The following PTK7 variants were observed in gnomAD, a reference collection of about 807,000 sequenced individuals.
The protein encoded by PTK7 is inactive tyrosine-protein kinase 7.
In PTK7, 39 loss-of-function variants were observed where a neutral mutation model predicts 116.6. That is an observed-to-expected ratio of 0.33 (90% CI 0.26 to 0.44). The LOEUF is 0.44. Among genes scored for constraint, PTK7 ranks in the 20% least tolerant of loss-of-function variants. The pLI is 1.00. For missense variants in PTK7, 1,169 were observed against 1,425.6 expected, an observed-to-expected ratio of 0.82 and a Z score of 2.90; for synonymous variants, 546 against 563.6, an observed-to-expected ratio of 0.97 and a Z score of 0.44.
Position 43,139,554 on chromosome 6 carries a change from G to C in PTK7, c.1618+29G>C, listed in dbSNP as rs547293310. 1.2e-6 allele frequency: 2 copies of C among 1,612,536 alleles called. No individual in the cohort carries two copies. Among genetic ancestry groups the C allele is most frequent in the East Asian group, 4.5e-5 (2 of 44,876 alleles). On this transcript the variant is annotated intron_variant, in intron 10 of 19. Coordinates refer to ENST00000230419, the MANE Select transcript of PTK7 (RefSeq NM_002821.5). The surrounding 1 kb of genome is among the most constrained non-coding windows in gnomAD (Gnocchi z 4.6). ...GGTACAGTGCCGGCATAGGGTAGGG[G>C]CAGGCAGGCAGTTCACTGATCAGAT... is the stretch of plus-strand genomic sequence containing the variant.
intron 1 of PTK7, among the ~76,000 whole-genome samples, chr6:43,099,465 A>T (rs1490187713): frequency 6.6e-6 from 1 of 151,760 alleles, no homozygotes; most frequent in African/African-American, 2.4e-5. Context: ...AAACTCCTGA[A>T]CTCCAGCAGT....
At position 43,076,878 on chromosome 6, in the gene PTK7, G is replaced by A; in HGVS notation, c.79+311G>A. The A allele has an allele frequency of 1.3e-6, 2 of 1,491,546 alleles. No individual in the cohort carries two copies. Among genetic ancestry groups the A allele is most frequent in the Non-Finnish European group, 1.8e-6 (2 of 1,117,800 alleles). The allele number at this position is 1,491,546 out of a possible 1,614,324, so 92.4% of individuals were successfully genotyped here. ...ACTGCCGAGAGTTGCTGGCTCTCGG[G>A]CCCAGATGGGGAGTTTCTTGTCGGG... On this transcript the variant is annotated intron_variant, in intron 1 of 19. Coordinates refer to ENST00000230419, the MANE Select transcript of PTK7 (RefSeq NM_002821.5). The surrounding 1 kb of genome is among the most constrained non-coding windows in gnomAD (Gnocchi z 5.7).
chr6:43,139,123 A>G lies in PTK7; in HGVS notation c.1363-13A>G, dbSNP rs756608672. 3.1e-6 allele frequency: 5 copies of G among 1,613,998 alleles called. No individual in the cohort carries two copies. In the South Asian group the frequency reaches 5.5e-5, roughly 18 times the overall value. ...GTGGGTTCAGGCTCTGAGGCCTCTC[A>G]CCTGTGCTGCAGGACTCACGGTTCG... On this transcript the variant is annotated splice_polypyrimidine_tract_variant and intron_variant, in intron 8 of 19. Transcript: ENST00000230419. This position sits in a 1 kb window ranked among gnomAD's most constrained non-coding sequence, Gnocchi z 4.6.
chr6:43,117,374 A>G (rs1768620417), intron 1 of PTK7, among the ~76,000 whole-genome samples: 1 of 152,228 alleles, frequency 6.6e-6, no homozygotes, highest in Non-Finnish European at 1.5e-5. Context: ...ATTGCATTTT[A>G]CAAGAGCACA....
At chr6:43,119,367 C>T (rs1390095436) in intron 1 of PTK7, among the ~76,000 whole-genome samples, 2 of 152,154 alleles carry the variant, frequency 1.3e-5, no homozygotes, top group Non-Finnish European at 2.9e-5. Context: ...ACTAAGGCTA[C>T]AACCAGTCCA....
intron 17 of PTK7, among the ~76,000 whole-genome samples, chr6:43,153,920 C>G (rs548031730): frequency 1.3e-5 from 2 of 152,136 alleles, no homozygotes; most frequent in East Asian, 3.9e-4. Context: ...TAATCCAGCA[C>G]TTTGGGAGGC....
In PTK7 at chr6:43,143,436, G is replaced by A. The variant is rs1483697513; in HGVS notation, c.2067G>A (p.Glu689=). ...LYVVDKPVPE[E]SEGPGSPPPY... The stretch of plus-strand genomic sequence containing the variant: ...TCTCAGACAAGCCTGTGCCGGAGGA[G>A]TCGGAGGGCCCTGGCAGCCCTCCCC... Residue 689 remains glutamate, a synonymous_variant, in exon 14 of 20, where the codon GAG becomes GAA. Coordinates refer to ENST00000230419, the MANE Select transcript of PTK7 (RefSeq NM_002821.5). This position sits in a 1 kb window ranked among gnomAD's most constrained non-coding sequence, Gnocchi z 4.2. 1 of 1,614,056 alleles carries A rather than the reference G, an allele frequency of 6.2e-7. No homozygotes were observed. Among genetic ancestry groups the A allele is most frequent in the South Asian group, 1.1e-5 (1 of 91,086 alleles).
chr6:43,076,486 G>T lies in PTK7; in HGVS notation c.-3G>T. 1 of 1,564,762 alleles carries T rather than the reference G, an allele frequency of 6.4e-7. No individual in the cohort carries two copies. Among genetic ancestry groups the T allele is most frequent in the Non-Finnish European group, 8.6e-7 (1 of 1,161,558 alleles). ...CTCAGCTCCTTTTCCTGAGCCCGCC[G>T]CGATGGGAGCTGCGCGGGGATCCCC... On this transcript the variant is annotated 5_prime_UTR_variant, in exon 1 of 20. Coordinates refer to ENST00000230419, the MANE Select transcript of PTK7 (RefSeq NM_002821.5). The surrounding 1 kb of genome is among the most constrained non-coding windows in gnomAD (Gnocchi z 5.7).
At chr6:43,157,547 T>TA (rs1377392691) in intron 17 of PTK7, among the ~76,000 whole-genome samples, 2 of 149,842 alleles carry the variant, frequency 1.3e-5, no homozygotes, top group Non-Finnish European at 3.0e-5. Flanking sequence ...GTAGAAAAGA[T>TA]AGACTTTTGA....
chr6:43,098,501 G>T (rs1480492000), intron 1 of PTK7, among the ~76,000 whole-genome samples: 1 of 151,782 alleles, frequency 6.6e-6, no homozygotes, highest in African/African-American at 2.4e-5. Flanking sequence ...GATTACAGGC[G>T]CCTGCCACCA....
intron 17 of PTK7, among the ~76,000 whole-genome samples, chr6:43,153,265 C>G (rs1292637885): frequency 6.6e-6 from 1 of 151,976 alleles, no homozygotes; most frequent in Non-Finnish European, 1.5e-5. Flanking sequence ...CGCCCGCCAC[C>G]ATGCCTGGCT....
rs577596724 is a variant in PTK7, at chr6:43,089,113, CTT to C, written c.79+12549_79+12550del. Among the ~76,000 whole-genome samples, 226 of 152,284 alleles carry C rather than the reference CTT, an allele frequency of 1.5e-3. 1 individual carries two copies. The highest frequency in any genetic ancestry group is 2.5e-3 in the Non-Finnish European group (173 of 68,036). ...TTAATTTCTGACTTTGGAGTCAAGT[CTT>C]TTAACCCTCAGGAGTGTTCAGGTGA... is the stretch of plus-strand genomic sequence containing the variant. On this transcript the variant is annotated intron_variant, in intron 1 of 19. Transcript: ENST00000230419.
intron 7 of PTK7, among the ~76,000 whole-genome samples, chr6:43,137,150 T>C (rs776536581): frequency 7.9e-5 from 12 of 151,988 alleles, no homozygotes; most frequent in Non-Finnish European, 1.8e-4. Flanking sequence ...TCTTGCAGGG[T>C]TTTGAGTGGA....
intron 1 of PTK7, among the ~76,000 whole-genome samples, chr6:43,085,746 CA>C: frequency 6.6e-6 from 1 of 151,666 alleles, no homozygotes; most frequent in African/African-American, 2.4e-5. Context: ...CCAGCCTGAC[CA>C]AAATGCAGAA....
At chr6:43,135,955 C>T (rs901891308) in intron 7 of PTK7, among the ~76,000 whole-genome samples, 1 of 151,910 alleles carries the variant, frequency 6.6e-6, no homozygotes, top group African/African-American at 2.4e-5. Flanking sequence ...TTTGGGAGGC[C>T]GAGGCAGGTG....
At chr6:43,130,727 T>C in intron 5 of PTK7, 66 bp downstream of exon 5, 1 of 1,565,252 alleles carries the variant, frequency 6.4e-7, no homozygotes. Context: ...TAGAAGGGGG[T>C]GCGATTTGTA....
rs1379216176 is a variant in PTK7 at position 43,145,241 on chromosome 6, G to A, written c.2449G>A (p.Gly817Ser). The A allele has an allele frequency of 6.2e-7, 1 of 1,613,542 alleles. No individual in the cohort carries two copies. The highest frequency in any genetic ancestry group is 1.7e-5 in the Admixed American group (1 of 59,984). Residue 817 changes from glycine (G) to serine (S), a missense_variant, in exon 16 of 20, where the codon GGC (glycine) becomes AGC (serine). This residue lies in a region of PTK7 where 678 missense variants were observed against 853.8 expected (regional missense o/e 0.79). Transcript: ENST00000230419. This position sits in a 1 kb window ranked among gnomAD's most constrained non-coding sequence, Gnocchi z 4.8. ...GGAGGTGTTCCTGGCAAAGGCTCAG[G>A]GCTTGGAGGAGGGAGTGGCAGAGAC... The part of the protein sequence containing the change: ...FGEVFLAKAQ[G>S]LEEGVAETLV...
chr6:43,105,283 G>T (rs1210237848), intron 1 of PTK7, among the ~76,000 whole-genome samples: 1 of 146,984 alleles, frequency 6.8e-6, no homozygotes, highest in Non-Finnish European at 1.5e-5. Flanking sequence ...TCTTCATAAT[G>T]ACAAAAAGAA....
chr6:43,159,704 A>G (rs937155158), intron 18 of PTK7, 84 bp from the exon 19 acceptor site: 16 of 1,427,570 alleles, frequency 1.1e-5, no homozygotes, highest in Non-Finnish European at 1.5e-5. Flanking sequence ...CGGCTTGGGG[A>G]TGCGTTCCAG....
Sources: allele counts gnomAD v4.1 joint callset (sites outside exome capture counted in the v4.1 genomes callset), GRCh38; gene constraint gnomAD v4.1.1; regional missense constraint gnomAD v4.1.1; non-coding constraint Gnocchi (gnomAD v3.1); transcripts MANE v1.5; gene names NCBI Gene and HGNC (gene_info 2026-07-23, HGNC 2026-07-21).